GNB1: variants seen among roughly 807,000 people sequenced by gnomAD.
GNB1 encodes G protein subunit beta 1.
GNB1 carries 2 observed loss-of-function variants against 42.9 expected under a neutral mutation model. The ratio of observed to expected loss-of-function variants is 0.05; its 90% CI spans 0.02 to 0.15. GNB1 has a LOEUF of 0.15. Among genes scored for constraint, GNB1 ranks in the 10% least tolerant of loss-of-function variants. GNB1 has a pLI of 1.00. For missense variants in GNB1, 193 were observed against 462.2 expected (o/e 0.42, Z 5.34); for synonymous variants, 183 against 174.7 (o/e 1.05, Z -0.38).
intron 1 of GNB1, among the ~76,000 whole-genome samples, chr1:1,884,052 G>A (rs1174861781): frequency 2.1e-5 from 3 of 145,330 alleles, no homozygotes; most frequent in African/African-American, 5.1e-5. Context: ...CGCAACCTCC[G>A]CCTCCCAGGT....
chr1:1,879,993 G>A (rs1169105619), intron 1 of GNB1, among the ~76,000 whole-genome samples: 3 of 152,014 alleles, frequency 2.0e-5, no homozygotes, highest in African/African-American at 4.8e-5. Context: ...GTGCCATGGT[G>A]CAACCATAGC....
At chr1:1,872,613 T>A (rs990130242) in intron 1 of GNB1, among the ~76,000 whole-genome samples, 4 of 152,178 alleles carry the variant, frequency 2.6e-5, no homozygotes, top group Admixed American at 2.6e-4. Flanking sequence ...CTGCAATCAC[T>A]GCCCTCTCCA....
chr1:1,890,733 G>A (rs1400477725), intron 1 of GNB1, 87 bp downstream of exon 1: 2 of 148,538 alleles, frequency 1.3e-5, no homozygotes, highest in African/African-American at 4.9e-5. Context: ...CCGACCGGCG[G>A]GTGGGGTGGG....
intron 1 of GNB1, among the ~76,000 whole-genome samples, chr1:1,875,109 C>T (rs573825116): frequency 5.9e-5 from 9 of 152,208 alleles, no homozygotes; most frequent in Admixed American, 4.6e-4. Context: ...GCTTGCCCAC[C>T]TCTCACCTGC....
At chr1:1,876,937 C>G (rs1275100536) in intron 1 of GNB1, among the ~76,000 whole-genome samples, 1 of 152,144 alleles carries the variant, frequency 6.6e-6, no homozygotes, top group Non-Finnish European at 1.5e-5. Context: ...TACATAATTA[C>G]TACTCATGTT....
chr1:1,787,460 TCA>T lies in GNB1; in HGVS notation c.917-25_917-24del. 1 of 1,437,072 alleles carries T rather than the reference TCA, an allele frequency of 7.0e-7. No individual in the cohort carries two copies. The highest frequency in any genetic ancestry group is 9.8e-7 in the Non-Finnish European group (1 of 1,019,698). The allele number at this position is 1,437,072 out of a possible 1,614,324, so 89.0% of individuals were successfully genotyped here. A position where few individuals can be genotyped will look rare whatever the true frequency, so the allele number is the denominator to read the frequency against. Reference sequence around the variant, plus strand: ...CACCTGGGAGCAAACAACAGCAGAATCACACCAAAGCCCAGAGGCATCGATCT... The same window carrying T: ...CACCTGGGAGCAAACAACAGCAGAATCACCAAAGCCCAGAGGCATCGATCT... On this transcript the variant is annotated intron_variant, in intron 10 of 11. Transcript: ENST00000378609. This position sits in a 1 kb window ranked among gnomAD's most constrained non-coding sequence, Gnocchi z 4.4.
chr1:1,834,768 A>T (rs1647122946), intron 2 of GNB1, among the ~76,000 whole-genome samples: 1 of 148,434 alleles, frequency 6.7e-6, no homozygotes, highest in African/African-American at 2.5e-5. Flanking sequence ...TCCCGGGTTC[A>T]TGCCATTCTC....
chr1:1,806,408 G>T, intron 6 of GNB1, 67 bp downstream of exon 6: 1 of 945,616 alleles, frequency 1.1e-6, no homozygotes, highest in African/African-American at 1.6e-5. Context: ...TTAACAAAAT[G>T]AATCCAGAGC....
At chr1:1,890,351 C>A (rs1394864865) in intron 1 of GNB1, 2 of 151,628 alleles carry the variant, frequency 1.3e-5, no homozygotes, top group Non-Finnish European at 2.9e-5. Flanking sequence ...GGCCGCCCGG[C>A]CCTCAAAGTC....
intron 1 of GNB1, among the ~76,000 whole-genome samples, chr1:1,848,094 AGC>A (rs1647770017): frequency 6.6e-6 from 1 of 152,118 alleles, no homozygotes; most frequent in Admixed American, 6.6e-5. Flanking sequence ...GAAATGAAAA[AGC>A]AGGCCGGGTG....
chr1:1,792,696 C>CAAA lies in GNB1; in HGVS notation c.497+546_497+548dup, dbSNP rs374752641. On this transcript the variant is annotated intron_variant, in intron 8 of 11. Coordinates refer to ENST00000378609, the MANE Select transcript of GNB1 (RefSeq NM_002074.5). ...CTGGAGACAGAGAGAGACTCTATCTCAAAAAAAAAAAAAAAAAGAAAAAAA... is the reference window on the plus strand; with the variant it reads ...CTGGAGACAGAGAGAGACTCTATCTCAAAAAAAAAAAAAAAAAAAAGAAAAAAA... 2.1e-4 allele frequency among the ~76,000 whole-genome samples: 22 copies of CAAA among 102,748 alleles called. 1 individual carries two copies. The highest frequency in any genetic ancestry group is 5.2e-3 in the Middle Eastern group (1 of 194). 67.4% of individuals were successfully genotyped at this position (102,748 alleles called of 152,430 possible).
At chr1:1,841,745 G>A (rs564134195) in intron 1 of GNB1, among the ~76,000 whole-genome samples, 14 of 152,258 alleles carry the variant, frequency 9.2e-5, no homozygotes, top group African/African-American at 2.4e-4. Context: ...AAGCAAGCAC[G>A]TACTTTTCCG....
intron 2 of GNB1, among the ~76,000 whole-genome samples, chr1:1,834,542 A>G (rs1006446861): frequency 2.0e-5 from 3 of 152,166 alleles, no homozygotes; most frequent in Non-Finnish European, 4.4e-5. Context: ...GCCAAACTTT[A>G]TATGTAACTG....
In GNB1 at chr1:1,804,516, A is replaced by G. The variant is rs749411068; in HGVS notation, c.333T>C (p.Tyr111=). The G allele has an allele frequency of 1.2e-6, 2 of 1,613,730 alleles. No individual in the cohort carries two copies. The highest frequency in any genetic ancestry group is 1.3e-5 in the African/African-American group (1 of 75,018). ...TGTTATCCAGGCCACCGCAGGCCAC[A>G]TAGTTCCCAGAAGGGGCATATGCAC... ...MTCAYAPSGN[Y]VACGGLDNIC... Residue 111 remains tyrosine, a synonymous_variant, in exon 7 of 12, where the codon TAT becomes TAC. Transcript: ENST00000378609.
intron 2 of GNB1, among the ~76,000 whole-genome samples, chr1:1,828,988 C>CA (rs1175536558): frequency 6.6e-6 from 1 of 152,062 alleles, no homozygotes; most frequent in Non-Finnish European, 1.5e-5. Flanking sequence ...TAAGAAAAAT[C>CA]TATTGTCAGG....
intron 2 of GNB1, among the ~76,000 whole-genome samples, chr1:1,831,160 A>G (rs896579250): frequency 5.1e-4 from 78 of 151,910 alleles, no homozygotes; most frequent in African/African-American, 1.7e-3. Flanking sequence ...ATGAGGCTCC[A>G]TCTCAAAAAA....
intron 1 of GNB1, among the ~76,000 whole-genome samples, chr1:1,879,747 A>G (rs1649740033): frequency 6.6e-6 from 1 of 152,106 alleles, no homozygotes; most frequent in Non-Finnish European, 1.5e-5. Context: ...TCTAAGAAAA[A>G]TAATCTGGTG....
intron 7 of GNB1, 46 bp downstream of exon 7, chr1:1,804,373 G>C (rs772157985): frequency 1.2e-5 from 16 of 1,388,808 alleles, no homozygotes; most frequent in Non-Finnish European, 1.4e-5. Flanking sequence ...ATGTACCCCA[G>C]GTAAACAGCT....
intron 1 of GNB1, among the ~76,000 whole-genome samples, chr1:1,841,078 G>T (rs1647228671): frequency 1.3e-5 from 2 of 151,688 alleles, no homozygotes; most frequent in South Asian, 4.2e-4. Context: ...TTTTAGTAGA[G>T]ACGGGTTTTC....
Sources: allele counts gnomAD v4.1 joint callset (sites outside exome capture counted in the v4.1 genomes callset), GRCh38; gene constraint gnomAD v4.1.1; non-coding constraint Gnocchi (gnomAD v3.1); transcripts MANE v1.5; gene names NCBI Gene and HGNC (gene_info 2026-07-23, HGNC 2026-07-21).